The following OARD1 variants were observed in gnomAD, a reference collection of about 807,000 sequenced individuals.
The protein encoded by OARD1 is ADP-ribose glycohydrolase OARD1.
In OARD1, 19 loss-of-function variants were observed where a neutral mutation model predicts 19.7. That is an observed-to-expected ratio of 0.96 (90% confidence interval 0.67 to 1.41). The LOEUF (loss-of-function observed/expected upper bound fraction) is 1.41. OARD1 is among the 40% of genes most tolerant of loss of function. OARD1 has a pLI of 0.00. For missense variants in OARD1, 190 were observed against 183.8 expected, an observed-to-expected ratio of 1.03 and a Z score of -0.20; for synonymous variants, 70 against 61.8, an observed-to-expected ratio of 1.13 and a Z score of -0.62.
Position 41,067,080 on chromosome 6 carries a change from A to G in OARD1, c.*255T>C, listed in dbSNP as rs1763048531. 8.0e-6 allele frequency: 2 copies of G among 250,724 alleles called. No homozygotes were observed. The highest frequency in any genetic ancestry group is 1.5e-5 in the Non-Finnish European group (2 of 129,812). The allele number at this position is 250,724 out of a possible 1,614,324, so 15.5% of individuals were successfully genotyped here. On this transcript the variant is annotated 3_prime_UTR_variant, in exon 6 of 6. Coordinates refer to ENST00000424266, the MANE Select transcript of OARD1 (RefSeq NM_001329686.2). ...GGAGAAAAAGGTCATAGTCCCGACA[A>G]TCTGGTTTCCCTGCCTATTATCAAG...
Position 41,068,859 on chromosome 6 carries a change from G to T in OARD1, c.338C>A (p.Thr113Asn). ...TCCTTGCCTGGGCATGGAGAGGTCA[G>T]TGACTCCATTCTTCAGACAATGAGA... ...MKSHCLKNGV[T>N]DLSMPRIGCG... The change falls in exon 5 of 6, where the codon ACT becomes AAT. Residue 113 changes from threonine to asparagine, a missense_variant. Transcript: ENST00000424266. The T allele has an allele frequency of 1.3e-6, 2 of 1,591,262 alleles. No homozygotes were observed. The highest frequency in any genetic ancestry group is 1.7e-6 in the Non-Finnish European group (2 of 1,162,538).
chr6:41,079,124 C>G (rs1282208680), intron 1 of OARD1: 1 of 1,614,180 alleles, frequency 6.2e-7, no homozygotes, highest in Non-Finnish European at 8.5e-7. Context: ...AATAGTTCGA[C>G]AGAGCAGATT....
intron 1 of OARD1, among the ~76,000 whole-genome samples, chr6:41,093,466 CCTTT>C (rs1000247557): frequency 6.6e-5 from 10 of 151,842 alleles, no homozygotes; most frequent in Middle Eastern, 3.4e-3. Flanking sequence ...AGAAAGGTAC[CCTTT>C]CTTTTTTTTT....
Position 41,071,588 on chromosome 6 carries a change from T to G in OARD1, c.39+8A>C. On this transcript the variant is annotated splice_region_variant and intron_variant, in intron 2 of 5. Coordinates refer to ENST00000424266, the MANE Select transcript of OARD1 (RefSeq NM_001329686.2). Reference sequence around the variant, plus strand: ...CAGTTCACCAATAAGTCAATAGTTGTTACGCACTCTGCTTCCTTCTGGATC... The same window carrying G: ...CAGTTCACCAATAAGTCAATAGTTGGTACGCACTCTGCTTCCTTCTGGATC... 1 of 1,609,560 alleles carries G rather than the reference T, an allele frequency of 6.2e-7. No individual in the cohort carries two copies. The highest frequency in any genetic ancestry group is 1.1e-5 in the South Asian group (1 of 91,006).
intron 1 of OARD1, among the ~76,000 whole-genome samples, chr6:41,084,514 C>G (rs1003119469): frequency 2.0e-5 from 3 of 151,862 alleles, no homozygotes; most frequent in African/African-American, 4.8e-5. Context: ...AATAACAAAA[C>G]GAGCAAAAAG....
rs759594221 is a variant in OARD1, at chr6:41,067,455, T to A, written c.357-18A>T. On this transcript the variant is annotated intron_variant, in intron 5 of 5. Coordinates refer to ENST00000424266, the MANE Select transcript of OARD1 (RefSeq NM_001329686.2). ...ATCCAATCCTGAAAAAGACAAAATA[T>A]CTCCATTGATGGTAACGAAAGTATC... 6.5e-7 allele frequency: 1 copy of A among 1,532,268 alleles called. No homozygotes were observed. Among genetic ancestry groups the A allele is most frequent in the Admixed American group, 1.7e-5 (1 of 59,684 alleles). The allele number at this position is 1,532,268 out of a possible 1,614,324, so 94.9% of individuals were successfully genotyped here.
At chr6:41,093,144 A>G (rs1764239784) in intron 1 of OARD1, 1 of 1,459,860 alleles carries the variant, frequency 6.8e-7, no homozygotes, top group Admixed American at 2.0e-5. Context: ...TACTTTTGAA[A>G]TTATCTTTTA....
At chr6:41,091,560 C>T in intron 1 of OARD1, 2 of 1,614,046 alleles carry the variant, frequency 1.2e-6, no homozygotes, top group Non-Finnish European at 1.7e-6. Flanking sequence ...GATCACTATC[C>T]CAGCAGCCAG....
intron 1 of OARD1, among the ~76,000 whole-genome samples, chr6:41,094,713 T>G (rs912845151): frequency 2.0e-5 from 3 of 152,080 alleles, no homozygotes; most frequent in African/African-American, 7.2e-5. Flanking sequence ...TTTGGGAGGC[T>G]GAGGTGGGAA....
chr6:41,077,649 T>C (rs1426537340), intron 1 of OARD1, among the ~76,000 whole-genome samples: 20 of 152,232 alleles, frequency 1.3e-4, no homozygotes, highest in Admixed American at 1.3e-3. Context: ...CCAGAATCTC[T>C]GAGGAGCAGA....
intron 1 of OARD1, among the ~76,000 whole-genome samples, chr6:41,093,751 G>T (rs564294496): frequency 5.3e-5 from 8 of 152,320 alleles, no homozygotes; most frequent in African/African-American, 1.9e-4. Flanking sequence ...GATTATAGGC[G>T]TGAGCCACCA....
chr6:41,077,488 C>T (rs2114085747), upstream of OARD1, among the ~76,000 whole-genome samples: 1 of 152,198 alleles, frequency 6.6e-6, no homozygotes, highest in South Asian at 2.1e-4. Context: ...TAAATGGAAT[C>T]ATATATATTC....
At chr6:41,086,843 C>T (rs1764059349) in intron 1 of OARD1, among the ~76,000 whole-genome samples, 1 of 152,010 alleles carries the variant, frequency 6.6e-6, no homozygotes, top group Non-Finnish European at 1.5e-5. Flanking sequence ...CTAATTCATA[C>T]TGTATTTTAA....
At chr6:41,069,042 G>C in intron 4 of OARD1, 89 bp from the exon 5 acceptor site, 3 of 650,426 alleles carry the variant, frequency 4.6e-6, no homozygotes, top group South Asian at 4.2e-5. Context: ...ATAATTAAAA[G>C]AGTAAGCACA....
chr6:41,087,009 A>T (rs1280825047), intron 1 of OARD1, among the ~76,000 whole-genome samples: 1 of 152,212 alleles, frequency 6.6e-6, no homozygotes, highest in Non-Finnish European at 1.5e-5. Context: ...AAATAAAAGT[A>T]AACAAGGTGA....
At position 41,067,442 on chromosome 6, in the gene OARD1, A is replaced by T; in HGVS notation, c.357-5T>A. 6.3e-7 allele frequency: 1 copy of T among 1,598,416 alleles called. No homozygotes were observed. The highest frequency in any genetic ancestry group is 1.7e-4 in the Middle Eastern group (1 of 6,040). On this transcript the variant is annotated splice_region_variant and splice_polypyrimidine_tract_variant and intron_variant, in intron 5 of 5. Coordinates refer to ENST00000424266, the MANE Select transcript of OARD1 (RefSeq NM_001329686.2). ...CGATCAAGACCACATCCAATCCTGA[A>T]AAAGACAAAATATCTCCATTGATGG... is the stretch of plus-strand genomic sequence containing the variant.
rs924546362 is a variant in OARD1 at position 41,066,125 on chromosome 6, C to T, written c.*1210G>A. On this transcript the variant is annotated 3_prime_UTR_variant, in exon 6 of 6. Transcript: ENST00000424266. ...CAAAAGTGGCCATCCCACTCCACCACCAAATTTTTTTTTTTAATTGAGATA... is the reference window on the plus strand; with the variant it reads ...CAAAAGTGGCCATCCCACTCCACCATCAAATTTTTTTTTTTAATTGAGATA... The T allele has an allele frequency of 6.6e-6, 1 of 151,964 alleles. No individual in the cohort carries two copies. The highest frequency in any genetic ancestry group is 1.5e-5 in the Non-Finnish European group (1 of 68,030). 9.4% of individuals were successfully genotyped at this position (151,964 alleles called of 1,614,324 possible). A position where few individuals can be genotyped will look rare whatever the true frequency, so the allele number is the denominator to read the frequency against.
intron 1 of OARD1, among the ~76,000 whole-genome samples, chr6:41,085,267 A>G (rs576843928): frequency 1.3e-5 from 2 of 152,352 alleles, no homozygotes; most frequent in East Asian, 3.9e-4. Flanking sequence ...AATTACAAAG[A>G]CACTTTTCAT....
In OARD1 at chr6:41,091,619, C is replaced by T. The variant is rs570304878; in HGVS notation, c.-42+6094G>A. ...AAACAGGAGCCAATACCAACACAAC[C>T]AGCAGTGGGCAAGGGACTGTCACTG... On this transcript the variant is annotated intron_variant, in intron 1 of 4. Coordinates refer to the OARD1 transcript ENST00000480585. 25 of 1,614,198 alleles carry T rather than the reference C, an allele frequency of 1.5e-5. No individual in the cohort carries two copies. The South Asian group carries it at 2.7e-4, about 18-fold the overall frequency.
Sources: gnomAD v4.1 joint callset for allele counts (sites outside exome capture counted in the v4.1 genomes callset) on GRCh38, gnomAD v4.1.1 for gene constraint, MANE v1.5 for transcripts, NCBI Gene and HGNC (gene_info 2026-07-23, HGNC 2026-07-21) for gene names.